Variants in CNOT11 observed in about 807,000 individuals in gnomAD.
CNOT11 encodes CCR4-NOT transcription complex subunit 11, also known as UPF0760 protein C2orf29.
Under a neutral mutation model 44.6 loss-of-function variants are expected in CNOT11, and 18 were observed. The observed-to-expected ratio is 0.40, with a 90% CI of 0.28 to 0.60. CNOT11 has a LOEUF of 0.60. Ranked by LOEUF, CNOT11 falls within the 20% of genes least tolerant of loss-of-function variation. The pLI is 0.38. For missense variants in CNOT11, 513 were observed against 677.0 expected (o/e 0.76, Z 2.69); for synonymous variants, 291 against 270.9 (o/e 1.07, Z -0.73).
At chr2:101,266,043 T>C (rs1225169603) in intron 4 of CNOT11, among the ~76,000 whole-genome samples, 1 of 152,176 alleles carries the variant, frequency 6.6e-6, no homozygotes, top group Non-Finnish European at 1.5e-5. Flanking sequence ...GTGGAACATA[T>C]TAAGTAGACG....
Position 101,253,156 on chromosome 2 carries a change from C to T in CNOT11, c.192C>T (p.Thr64=), listed in dbSNP as rs1221751740. The T allele has an allele frequency of 1.3e-6, 2 of 1,586,402 alleles. No individual in the cohort carries two copies. Among genetic ancestry groups the T allele is most frequent in the Non-Finnish European group, 1.7e-6 (2 of 1,169,196 alleles). The change falls in exon 1 of 7, where the codon ACC becomes ACT. Residue 64 remains threonine (T), a synonymous_variant. Transcript: ENST00000289382. The surrounding 1 kb of genome is among the most constrained non-coding windows in gnomAD (Gnocchi z 4.3). ...GCCCCGCGGGCAGGATGAGCTTGAC[C>T]CCGAAGGAGCTCTCGAGCCTGCTGA... is the stretch of plus-strand genomic sequence containing the variant. The part of the protein sequence containing the change: ...PGGPAGRMSL[T]PKELSSLLSI...
Position 101,252,987 on chromosome 2 carries a change from C to T in CNOT11, c.23C>T (p.Ala8Val), listed in dbSNP as rs1027548654. The change falls in exon 1 of 7, where the codon GCG (alanine) becomes GTG (valine). Residue 8 changes from alanine to valine, a missense_variant. This residue lies in a region of CNOT11 where 259 missense variants were observed against 265.7 expected (regional missense o/e 0.97). Transcript: ENST00000289382. The part of the protein sequence containing the change: MPGGGAS[A>V]ASGRLLTAAE... Reference sequence around the variant, plus strand: ...TTGATGCCCGGCGGAGGGGCGAGCGCGGCGTCTGGCCGGCTTCTCACCGCC... The same window carrying T: ...TTGATGCCCGGCGGAGGGGCGAGCGTGGCGTCTGGCCGGCTTCTCACCGCC... 2 of 1,491,048 alleles carry T rather than the reference C, an allele frequency of 1.3e-6. No individual in the cohort carries two copies. Among genetic ancestry groups the T allele is most frequent in the Middle Eastern group, 2.3e-4 (1 of 4,256 alleles). The allele number at this position is 1,491,048 out of a possible 1,614,324, so 92.4% of individuals were successfully genotyped here.
intron 1 of CNOT11, among the ~76,000 whole-genome samples, chr2:101,254,686 A>T (rs1350775301): frequency 6.6e-6 from 1 of 152,030 alleles, no homozygotes; most frequent in Non-Finnish European, 1.5e-5. Flanking sequence ...GCTTGAGGCC[A>T]GGAGTTTGAA....
intron 1 of CNOT11, among the ~76,000 whole-genome samples, chr2:101,256,519 G>T (rs1001435451): frequency 1.4e-4 from 22 of 152,144 alleles, no homozygotes; most frequent in Admixed American, 2.0e-4. Context: ...GGCTTCATGA[G>T]CAATTAAACA....
intron 1 of CNOT11, among the ~76,000 whole-genome samples, chr2:101,254,558 A>G (rs915115825): frequency 9.9e-5 from 15 of 152,128 alleles, no homozygotes; most frequent in African/African-American, 3.4e-4. Context: ...CTGCCCAGAA[A>G]GTGAATGTAA....
chr2:101,267,260 T>C (rs1357230661), intron 5 of CNOT11, among the ~76,000 whole-genome samples: 1 of 152,080 alleles, frequency 6.6e-6, no homozygotes, highest in Non-Finnish European at 1.5e-5. Context: ...GTAGCTGGCA[T>C]TACAGGTGTG....
At position 101,269,538 on chromosome 2, in the gene CNOT11, G is replaced by A; in HGVS notation, c.*125G>A. ...ATAAACAGTACTTTATCTACTTAAA[G>A]CAAAGTTTTGCTTTCTTGAATGACT... On this transcript the variant is annotated 3_prime_UTR_variant, in exon 7 of 7. Transcript: ENST00000289382. The surrounding 1 kb of genome is among the most constrained non-coding windows in gnomAD (Gnocchi z 4.8). 2 of 709,980 alleles carry A rather than the reference G, an allele frequency of 2.8e-6. No homozygotes were observed. Among genetic ancestry groups the A allele is most frequent in the Non-Finnish European group, 4.4e-6 (2 of 453,586 alleles). 44.0% of individuals were successfully genotyped at this position (709,980 alleles called of 1,614,324 possible).
intron 4 of CNOT11, among the ~76,000 whole-genome samples, chr2:101,265,447 A>ATAAACT (rs1681960214): frequency 6.6e-6 from 1 of 151,960 alleles, no homozygotes; most frequent in Non-Finnish European, 1.5e-5. Flanking sequence ...TTTTTTTGGA[A>ATAAACT]AGTGGTAAGC....
At chr2:101,264,780 A>G (rs1240050243) in intron 3 of CNOT11, 65 bp from the exon 4 acceptor site, 3 of 1,245,962 alleles carry the variant, frequency 2.4e-6, no homozygotes, top group Non-Finnish European at 3.5e-6. Flanking sequence ...TATTAAGTGA[A>G]ATGTGTGAGA....
chr2:101,252,979 G>A lies in CNOT11; in HGVS notation c.15G>A (p.Gly5=). The A allele has an allele frequency of 6.7e-7, 1 of 1,487,442 alleles. No homozygotes were observed. The highest frequency in any genetic ancestry group is 8.9e-7 in the Non-Finnish European group (1 of 1,126,590). The allele number at this position is 1,487,442 out of a possible 1,614,324, so 92.1% of individuals were successfully genotyped here. ...GAGCGAGGTTGATGCCCGGCGGAGG[G>A]GCGAGCGCGGCGTCTGGCCGGCTTC... MPGG[G]ASAASGRLLT... The change falls in exon 1 of 7, where the codon GGG becomes GGA. Residue 5 remains glycine, a synonymous_variant. Transcript: ENST00000289382.
chr2:101,260,889 G>C (rs766541469), intron 2 of CNOT11, among the ~76,000 whole-genome samples: 5 of 150,980 alleles, frequency 3.3e-5, no homozygotes, highest in Non-Finnish European at 5.9e-5. Flanking sequence ...TCAACAATCT[G>C]AGATTTTTTT....
chr2:101,259,495 C>A (rs946053526), intron 2 of CNOT11, among the ~76,000 whole-genome samples: 1 of 152,146 alleles, frequency 6.6e-6, no homozygotes, highest in Admixed American at 6.5e-5. Context: ...AGAGGAGGCA[C>A]TTTGGGCTTG....
Position 101,257,911 on chromosome 2 carries a change from T to TG in CNOT11, c.638dup (p.Gln214ProfsTer6). 6.2e-7 allele frequency: 1 copy of TG among 1,614,116 alleles called. No homozygotes were observed. Among genetic ancestry groups the TG allele is most frequent in the African/African-American group, 1.3e-5 (1 of 75,062 alleles). Reference sequence around the variant, plus strand: ...ATTGCACTGATGGACGTTGGAAACATGGGCCAGTCTGTGGACATTAGTGGG... The same window carrying TG: ...ATTGCACTGATGGACGTTGGAAACATGGGGCCAGTCTGTGGACATTAGTGGG... On this transcript the variant is annotated frameshift_variant, in exon 2 of 7. Transcript: ENST00000289382. LOFTEE classifies it high-confidence loss of function.
In CNOT11 at chr2:101,253,775, C is replaced by A. The variant is rs1490893917; in HGVS notation, c.514+297C>A. On this transcript the variant is annotated intron_variant, in intron 1 of 6. Transcript: ENST00000289382. This position sits in a 1 kb window ranked among gnomAD's most constrained non-coding sequence, Gnocchi z 4.3. Reference sequence around the variant, plus strand: ...CATGTTTAGTGTCTCAAATACGGTTCGTTCTTCGAAAACCCGTCTGTGGTG... The same window carrying A: ...CATGTTTAGTGTCTCAAATACGGTTAGTTCTTCGAAAACCCGTCTGTGGTG... 2.0e-5 allele frequency among the ~76,000 whole-genome samples: 3 copies of A among 152,152 alleles called. No individual in the cohort carries two copies. Among genetic ancestry groups the A allele is most frequent in the Non-Finnish European group, 4.4e-5 (3 of 68,014 alleles).
At position 101,269,663 on chromosome 2, in the gene CNOT11, G is replaced by T. The variant is rs1355372909; in HGVS notation, c.*250G>T. 1 of 337,722 alleles carries T rather than the reference G, an allele frequency of 3.0e-6. No individual in the cohort carries two copies. Among genetic ancestry groups the T allele is most frequent in the Non-Finnish European group, 5.3e-6 (1 of 188,202 alleles). 20.9% of individuals were successfully genotyped at this position (337,722 alleles called of 1,614,324 possible). Reference sequence around the variant, plus strand: ...AGGAGGAATGGCTATCCCAAAAAAAGTTCCGCAAAAAAGTAGATGAGTTTC... The same window carrying T: ...AGGAGGAATGGCTATCCCAAAAAAATTTCCGCAAAAAAGTAGATGAGTTTC... On this transcript the variant is annotated 3_prime_UTR_variant, in exon 7 of 7. Coordinates refer to ENST00000289382, the MANE Select transcript of CNOT11 (RefSeq NM_017546.5). The surrounding 1 kb of genome is among the most constrained non-coding windows in gnomAD (Gnocchi z 4.8).
At chr2:101,263,231 A>T (rs566876470) in intron 3 of CNOT11, among the ~76,000 whole-genome samples, 1 of 152,126 alleles carries the variant, frequency 6.6e-6, no homozygotes, top group South Asian at 2.1e-4. Context: ...AAAAAAAAAT[A>T]CAGATTCTCA....
At chr2:101,261,325 A>G (rs1054520597) in intron 2 of CNOT11, among the ~76,000 whole-genome samples, 6 of 152,046 alleles carry the variant, frequency 3.9e-5, no homozygotes, top group Non-Finnish European at 8.8e-5. Flanking sequence ...ATTGTACTGC[A>G]TTTATTCTCT....
chr2:101,269,229 G>A lies in CNOT11; in HGVS notation c.1349G>A (p.Arg450His), dbSNP rs1682057229. ...KDKYMQNRLVRLVCVFLQSLI... is the reference protein window; with the variant it reads ...KDKYMQNRLVHLVCVFLQSLI... ...TTCCTTTTTCAGAATCGGTTGGTGC[G>A]TCTTGTGTGTGTGTTTCTCCAATCC... The change falls in exon 7 of 7, where the codon CGT becomes CAT. Residue 450 changes from arginine (R) to histidine (H), a missense_variant. By Grantham distance (29) the Arg-to-His change is conservative (BLOSUM62 0). Transcript: ENST00000289382. The surrounding 1 kb of genome is among the most constrained non-coding windows in gnomAD (Gnocchi z 4.8). The A allele has an allele frequency of 1.2e-6, 2 of 1,613,216 alleles. No individual in the cohort carries two copies. The highest frequency in any genetic ancestry group is 1.7e-6 in the Non-Finnish European group (2 of 1,179,688).
At chr2:101,259,008 C>G (rs144127224) in intron 2 of CNOT11, among the ~76,000 whole-genome samples, 1 of 151,834 alleles carries the variant, frequency 6.6e-6, no homozygotes. Context: ...GTGGTGCATG[C>G]CTGTGGTCTC....
Sources: gnomAD v4.1 joint callset for allele counts (sites outside exome capture counted in the v4.1 genomes callset) on GRCh38, gnomAD v4.1.1 for gene constraint, gnomAD v4.1.1 regional missense constraint, Gnocchi (gnomAD v3.1) non-coding constraint, MANE v1.5 for transcripts, NCBI Gene and HGNC (gene_info 2026-07-23, HGNC 2026-07-21) for gene names.